The following CDK13 variants were observed in gnomAD, a reference collection of about 807,000 sequenced individuals.
CDK13 encodes the protein cyclin-dependent kinase 13.
CDK13 carries 40 observed loss-of-function variants against 137.6 expected under a neutral mutation model. The observed-to-expected ratio is 0.29, with a 90% CI of 0.23 to 0.38. The LOEUF (loss-of-function observed/expected upper bound fraction) is 0.38, where lower values mean the gene tolerates loss of function less well. Ranked by LOEUF, CDK13 falls within the 10% of genes least tolerant of loss-of-function variation. CDK13 has a pLI of 1.00. For missense variants in CDK13, 1,704 were observed against 1,951.8 expected, an observed-to-expected ratio of 0.87 and a Z score of 2.39; for synonymous variants, 869 against 760.1, an observed-to-expected ratio of 1.14 and a Z score of -2.36.
intron 1 of CDK13, chr7:39,986,432 T>A (rs1212455954): frequency 6.6e-6 from 1 of 152,184 alleles, no homozygotes; most frequent in Admixed American, 6.5e-5. Flanking sequence ...TTTCCAAGAT[T>A]TAGTTTGTCA....
intron 5 of CDK13, among the ~76,000 whole-genome samples, chr7:40,027,615 C>T (rs892636107): frequency 7.9e-5 from 12 of 151,222 alleles, no homozygotes; most frequent in African/African-American, 2.9e-4. Context: ...TTTGGGGCCA[C>T]CCACCACTGG....
intron 11 of CDK13, among the ~76,000 whole-genome samples, chr7:40,082,995 C>G (rs1248221954): frequency 6.6e-6 from 1 of 151,422 alleles, no homozygotes; most frequent in Non-Finnish European, 1.5e-5. Context: ...CCCAGCTACT[C>G]CAGAGGGTGA....
chr7:40,040,562 G>T (rs1785583689), intron 5 of CDK13, among the ~76,000 whole-genome samples: 1 of 152,086 alleles, frequency 6.6e-6, no homozygotes, highest in African/African-American at 2.4e-5. Flanking sequence ...TGAAAAATTG[G>T]GCTGTGTCTA....
At chr7:40,076,936 A>G (rs1328476511) in intron 9 of CDK13, among the ~76,000 whole-genome samples, 1 of 152,208 alleles carries the variant, frequency 6.6e-6, no homozygotes, top group Non-Finnish European at 1.5e-5. Flanking sequence ...GAAATTTGGT[A>G]TACTAAAAAT....
intron 9 of CDK13, among the ~76,000 whole-genome samples, chr7:40,074,738 T>A (rs905315588): frequency 2.6e-5 from 4 of 151,302 alleles, no homozygotes; most frequent in Non-Finnish European, 5.9e-5. Context: ...GGAGGATCAT[T>A]TGAGACCGGG....
At chr7:39,995,869 G>A (rs1983418) in intron 2 of CDK13, among the ~76,000 whole-genome samples, 1,969 of 152,198 alleles carry the variant, frequency 0.013, 31 homozygotes, top group African/African-American at 0.046. Context: ...AATTAGCCGG[G>A]CATGGTGGCA....
At chr7:40,030,703 A>ATT (rs61676370) in intron 5 of CDK13, among the ~76,000 whole-genome samples, 35 of 148,494 alleles carry the variant, frequency 2.4e-4, no homozygotes, top group African/African-American at 7.6e-4. Flanking sequence ...GCTGTCACTG[A>ATT]TTTTTTTTTT....
intron 4 of CDK13, among the ~76,000 whole-genome samples, chr7:40,000,151 A>AGATCGGCTGAGACAGGCG (rs1784653193): frequency 1.3e-5 from 2 of 152,096 alleles, no homozygotes; most frequent in Non-Finnish European, 2.9e-5. Flanking sequence ...TGAGACAGGC[A>AGATCGGCTGAGACAGGCG]GATCACCTAA....
intron 1 of CDK13, among the ~76,000 whole-genome samples, chr7:39,974,445 A>C (rs1784061992): frequency 1.3e-5 from 2 of 151,846 alleles, no homozygotes; most frequent in Non-Finnish European, 2.9e-5. Flanking sequence ...GATTTTCCTT[A>C]ATATTTTTTA....
At chr7:40,075,027 T>C (rs1053692775) in intron 9 of CDK13, among the ~76,000 whole-genome samples, 3 of 152,126 alleles carry the variant, frequency 2.0e-5, no homozygotes, top group Admixed American at 6.6e-5. Context: ...GGATTCTCTT[T>C]TGGAGTGTTA....
intron 5 of CDK13, among the ~76,000 whole-genome samples, chr7:40,013,945 T>C (rs1206091562): frequency 6.6e-6 from 1 of 151,544 alleles, no homozygotes; most frequent in Non-Finnish European, 1.5e-5. Flanking sequence ...AACCAAAATA[T>C]CAAAAAACTT....
At chr7:39,951,940 AC>A in intron 1 of CDK13, 88 bp downstream of exon 1, 1 of 1,249,970 alleles carries the variant, frequency 8.0e-7, no homozygotes, top group South Asian at 3.3e-5. Flanking sequence ...GGTCCTCAGA[AC>A]GACTCAGGTC....
At chr7:40,001,409 G>A (rs1038754733) in intron 4 of CDK13, among the ~76,000 whole-genome samples, 1 of 151,944 alleles carries the variant, frequency 6.6e-6, no homozygotes, top group Non-Finnish European at 1.5e-5. Flanking sequence ...TAGAGTTGGG[G>A]TTTCACTATG....
At position 40,039,769 on chromosome 7, in the gene CDK13, G is replaced by T. The variant is rs1314087; in HGVS notation, c.2354-6067G>T. On this transcript the variant is annotated intron_variant, in intron 5 of 13. Transcript: ENST00000181839. ...TAATAATCACTCTGCAGTGTAAGTT[G>T]CAGCTAATTTTTTTCCAGGTTGCTA... Among the ~76,000 whole-genome samples, 1,019 of 152,092 alleles carry T rather than the reference G, an allele frequency of 6.7e-3. 12 individuals carry two copies. Among genetic ancestry groups the T allele is most frequent in the African/African-American group, 0.023 (949 of 41,478 alleles).
intron 2 of CDK13, 35 bp downstream of exon 2, chr7:39,988,293 A>G (rs1411985863): frequency 6.6e-7 from 1 of 1,516,862 alleles, no homozygotes; most frequent in Non-Finnish European, 8.9e-7. Flanking sequence ...TAACTGTTCA[A>G]AGAAAAAATG....
intron 4 of CDK13, among the ~76,000 whole-genome samples, chr7:40,001,217 C>CTT (rs372931532): frequency 8.5e-5 from 12 of 141,260 alleles, no homozygotes; most frequent in Non-Finnish European, 1.1e-4. Flanking sequence ...TCTTCAGCAT[C>CTT]TTTTTTTTTT....
chr7:40,016,421 G>A (rs1785006491), intron 5 of CDK13, among the ~76,000 whole-genome samples: 1 of 152,144 alleles, frequency 6.6e-6, no homozygotes. Flanking sequence ...CTACCTATAT[G>A]TACTAGATGT....
intron 1 of CDK13, among the ~76,000 whole-genome samples, chr7:39,972,879 GT>G (rs1478366182): frequency 2.0e-5 from 3 of 152,138 alleles, no homozygotes; most frequent in Admixed American, 2.0e-4. Flanking sequence ...CTGTCAAGCT[GT>G]TTTTTAAAGT....
intron 7 of CDK13, among the ~76,000 whole-genome samples, chr7:40,050,933 T>G (rs1785873502): frequency 6.6e-6 from 1 of 152,230 alleles, no homozygotes; most frequent in Admixed American, 6.5e-5. Context: ...ATAGATATGT[T>G]TCAGAAAAGC....
Sources: gnomAD v4.1 joint callset for allele counts (sites outside exome capture counted in the v4.1 genomes callset) on GRCh38, gnomAD v4.1.1 for gene constraint, MANE v1.5 for transcripts, NCBI Gene and HGNC (gene_info 2026-07-23, HGNC 2026-07-21) for gene names.